The following XYLT1 variants were observed in gnomAD, a reference collection of about 807,000 sequenced individuals.
XYLT1 encodes beta-D-xylosyltransferase 1.
XYLT1 carries 36 observed loss-of-function variants against 91.3 expected under a neutral mutation model. That is an observed-to-expected ratio of 0.39 (90% CI 0.30 to 0.52). The LOEUF is 0.52. XYLT1 is among the 20% of genes least tolerant of loss of function. XYLT1 has a pLI of 0.68. For missense variants in XYLT1, 1,242 were observed against 1,284.5 expected (o/e 0.97, Z 0.51); for synonymous variants, 588 against 532.0 (o/e 1.11, Z -1.45).
chr16:17,149,440 C>T (rs1197180829), intron 6 of XYLT1, among the ~76,000 whole-genome samples: 3 of 151,990 alleles, frequency 2.0e-5, no homozygotes, highest in East Asian at 1.9e-4. Context: ...AGTCACAATG[C>T]CTAGAAAAAA....
At chr16:17,291,629 T>TA (rs71137983) in intron 2 of XYLT1, among the ~76,000 whole-genome samples, 16,006 of 152,152 alleles carry the variant, frequency 0.11, 1,046 homozygotes, top group Middle Eastern at 0.2. Context: ...GAAGGTCAAA[T>TA]ACGGTGCTGA....
At chr16:17,303,507 A>C (rs2034427900) in intron 2 of XYLT1, among the ~76,000 whole-genome samples, 1 of 152,266 alleles carries the variant, frequency 6.6e-6, no homozygotes, top group South Asian at 2.1e-4. Flanking sequence ...CAATAAACAA[A>C]GAGACATGTT....
chr16:17,441,619 C>A (rs1047390787), intron 1 of XYLT1, among the ~76,000 whole-genome samples: 4 of 152,154 alleles, frequency 2.6e-5, no homozygotes, highest in African/African-American at 9.7e-5. Context: ...GTTTTAATTC[C>A]TTAAAGTCCT....
At chr16:17,203,024 A>G (rs537001601) in intron 3 of XYLT1, among the ~76,000 whole-genome samples, 1 of 152,260 alleles carries the variant, frequency 6.6e-6, no homozygotes, top group East Asian at 1.9e-4. Flanking sequence ...AAATGAGGAA[A>G]CCACAGCTTA....
At chr16:17,372,313 T>C (rs771409523) in intron 1 of XYLT1, among the ~76,000 whole-genome samples, 4 of 152,222 alleles carry the variant, frequency 2.6e-5, no homozygotes, top group Non-Finnish European at 5.9e-5. Flanking sequence ...GCACTAATCT[T>C]TTCAATCTTT....
chr16:17,457,781 T>A (rs377718184), intron 1 of XYLT1, among the ~76,000 whole-genome samples: 1 of 152,108 alleles, frequency 6.6e-6, no homozygotes, highest in African/African-American at 2.4e-5. Flanking sequence ...AGAGAGACAA[T>A]GAATAGGCTT....
intron 3 of XYLT1, among the ~76,000 whole-genome samples, chr16:17,243,700 C>T (rs535868179): frequency 2.1e-4 from 32 of 152,274 alleles, no homozygotes; most frequent in African/African-American, 4.6e-4. Flanking sequence ...GCACAAGGAG[C>T]GGCAACGGTC....
chr16:17,432,581 T>C (rs1337408384), intron 1 of XYLT1, among the ~76,000 whole-genome samples: 3 of 152,146 alleles, frequency 2.0e-5, no homozygotes, highest in Non-Finnish European at 4.4e-5. Flanking sequence ...GTCCTAAAAC[T>C]AGATTATGGT....
At chr16:17,420,513 T>C (rs980133247) in intron 1 of XYLT1, among the ~76,000 whole-genome samples, 1 of 152,166 alleles carries the variant, frequency 6.6e-6, no homozygotes, top group African/African-American at 2.4e-5. Context: ...TACCTGCTCA[T>C]AGTCATAGCT....
intron 2 of XYLT1, among the ~76,000 whole-genome samples, chr16:17,273,328 G>A (rs911480653): frequency 6.6e-6 from 1 of 152,066 alleles, no homozygotes; most frequent in Non-Finnish European, 1.5e-5. Context: ...TCCATTCCCC[G>A]CCTGCATTTG....
In XYLT1 at chr16:17,470,862, C is replaced by T; in HGVS notation, c.-66G>A. 3.1e-6 allele frequency: 3 copies of T among 981,098 alleles called. No individual in the cohort carries two copies. The highest frequency in any genetic ancestry group is 3.6e-6 in the Non-Finnish European group (3 of 828,108). 60.8% of individuals were successfully genotyped at this position (981,098 alleles called of 1,614,324 possible). ...CACGCTCCGGGCCGCCCCCGCGCTC[C>T]CCGCAGCTCCCGCGGCCGCCGGCTG... On this transcript the variant is annotated 5_prime_UTR_variant, in exon 1 of 12. Coordinates refer to ENST00000261381, the MANE Select transcript of XYLT1 (RefSeq NM_022166.4).
intron 1 of XYLT1, among the ~76,000 whole-genome samples, chr16:17,361,540 A>T (rs986810348): frequency 6.6e-6 from 1 of 152,144 alleles, no homozygotes; most frequent in African/African-American, 2.4e-5. Context: ...CATCCCAGGA[A>T]CCTGAAATTA....
intron 5 of XYLT1, among the ~76,000 whole-genome samples, chr16:17,168,673 T>C (rs148704521): frequency 6.6e-6 from 1 of 152,234 alleles, no homozygotes; most frequent in East Asian, 1.9e-4. Flanking sequence ...GGAAAAGGTA[T>C]GAAAAATGCT....
At chr16:17,359,528 C>G (rs1224718595) in intron 1 of XYLT1, among the ~76,000 whole-genome samples, 1 of 152,132 alleles carries the variant, frequency 6.6e-6, no homozygotes, top group Non-Finnish European at 1.5e-5. Flanking sequence ...ATTCGTCGTC[C>G]CCCAACTCCA....
At chr16:17,299,380 C>T (rs77847947) in intron 2 of XYLT1, among the ~76,000 whole-genome samples, 18,267 of 152,118 alleles carry the variant, frequency 0.12, 1,173 homozygotes, top group South Asian at 0.17. Context: ...CCAAAAGATT[C>T]CATTTGCACA....
At chr16:17,339,819 T>G (rs1483878023) in intron 2 of XYLT1, among the ~76,000 whole-genome samples, 1 of 151,960 alleles carries the variant, frequency 6.6e-6, no homozygotes. Flanking sequence ...ATCTATCCTT[T>G]TTTCCCTCCT....
At position 17,259,372 on chromosome 16, in the gene XYLT1, G is replaced by C. The variant is rs1383032409; in HGVS notation, c.529C>G (p.His177Asp). Residue 177 changes from histidine (H) to aspartate (D), a missense_variant, in exon 3 of 12, where the codon CAC becomes GAC. His to Asp is a moderately conservative substitution (Grantham distance 81, BLOSUM62 -1). Around this residue, in one of 3 missense-constraint regions of XYLT1, gnomAD observed 437 missense variants for 411.5 expected, o/e 1.06. Coordinates refer to ENST00000261381, the MANE Select transcript of XYLT1 (RefSeq NM_022166.4). ...GGCTTCTTCGCCAACTCAGGCTGGT[G>C]CTTCTGCTTTTGAGTCCTGGGTGCG... ...NFAPRTQKQK[H>D]QPELAKKPPS... 1 of 1,614,162 alleles carries C rather than the reference G, an allele frequency of 6.2e-7. No homozygotes were observed. The highest frequency in any genetic ancestry group is 1.3e-5 in the African/African-American group (1 of 75,050).
At chr16:17,252,047 C>G (rs1452475738) in intron 3 of XYLT1, among the ~76,000 whole-genome samples, 1 of 152,144 alleles carries the variant, frequency 6.6e-6, no homozygotes, top group Non-Finnish European at 1.5e-5. Flanking sequence ...TTCCTCTCCT[C>G]TCCTTTCCTC....
At chr16:17,136,359 C>G (rs1229529257) in intron 8 of XYLT1, among the ~76,000 whole-genome samples, 1 of 152,100 alleles carries the variant, frequency 6.6e-6, no homozygotes, top group Non-Finnish European at 1.5e-5. Flanking sequence ...TCGTAAGTAC[C>G]CTTGGTGTTA....
Sources: allele counts gnomAD v4.1 joint callset (sites outside exome capture counted in the v4.1 genomes callset), GRCh38; gene constraint gnomAD v4.1.1; regional missense constraint gnomAD v4.1.1; transcripts MANE v1.5; gene names NCBI Gene and HGNC (gene_info 2026-07-23, HGNC 2026-07-21).